Variants in AGBL4 observed in about 807,000 individuals in gnomAD.
AGBL4 encodes cytosolic carboxypeptidase 6.
In AGBL4, 58 loss-of-function variants were observed where a neutral mutation model predicts 66.4. That is an observed-to-expected ratio of 0.87 (90% CI 0.71 to 1.09). The LOEUF (loss-of-function observed/expected upper bound fraction) is 1.09. Ranked by LOEUF, AGBL4 falls within the 50% of genes least tolerant of loss-of-function variation. AGBL4 has a pLI of 0.00. For missense variants in AGBL4, 579 were observed against 631.0 expected (o/e 0.92, Z 0.88); for synonymous variants, 234 against 222.9 (o/e 1.05, Z -0.44).
intron 2 of AGBL4, among the ~76,000 whole-genome samples, chr1:49,836,528 T>A (rs1341338240): frequency 6.6e-6 from 1 of 152,214 alleles, no homozygotes; most frequent in African/African-American, 2.4e-5. Context: ...AACATGCTCC[T>A]TTAGCTCAGA....
chr1:49,023,598 TACTATATTAACTCTA>T (rs1434665992), intron 5 of AGBL4, among the ~76,000 whole-genome samples: 2 of 152,170 alleles, frequency 1.3e-5, no homozygotes, highest in Non-Finnish European at 1.5e-5. Context: ...GACAGCACTC[TACTATATTAACTCTA>T]ATTGCAACCT....
At chr1:49,782,978 G>C (rs1644371305) in intron 2 of AGBL4, among the ~76,000 whole-genome samples, 1 of 151,258 alleles carries the variant, frequency 6.6e-6, no homozygotes, top group African/African-American at 2.4e-5. Context: ...CTAAGACAGT[G>C]CCCTTATATA....
chr1:48,663,195 T>G lies in AGBL4; in HGVS notation c.681A>C (p.Gly227=). 1 of 1,613,934 alleles carries G rather than the reference T, an allele frequency of 6.2e-7. No individual in the cohort carries two copies. Among genetic ancestry groups the G allele is most frequent in the Non-Finnish European group, 8.5e-7 (1 of 1,179,870 alleles). ...GAEQKVVFIT[G]RVHPGETPSS... ...AGGGTGTTTCCCCTGGGTGGACTCG[T>G]CCTGTGATGAATACCACCTTCTGCT... The change falls in exon 7 of 14, where the codon GGA becomes GGC. Residue 227 remains glycine, a synonymous_variant. Coordinates refer to ENST00000371839, the MANE Select transcript of AGBL4 (RefSeq NM_032785.4).
chr1:49,945,142 G>A (rs1320707202), intron 1 of AGBL4, among the ~76,000 whole-genome samples: 1 of 151,998 alleles, frequency 6.6e-6, no homozygotes. Context: ...AAACATATTT[G>A]GGGGAATAAT....
At chr1:48,761,125 G>T in intron 6 of AGBL4, 1 of 537,122 alleles carries the variant, frequency 1.9e-6, no homozygotes, top group Non-Finnish European at 3.3e-6. Flanking sequence ...GACCAAGCTT[G>T]GTGGCACAGC....
intron 3 of AGBL4, among the ~76,000 whole-genome samples, chr1:49,680,347 C>A (rs1646667465): frequency 6.6e-6 from 1 of 150,992 alleles, no homozygotes. Context: ...TCGTGCCCAG[C>A]CAGATTCTTT....
intron 1 of AGBL4, among the ~76,000 whole-genome samples, chr1:49,972,200 C>G (rs1302832911): frequency 6.6e-6 from 1 of 151,712 alleles, no homozygotes. Flanking sequence ...TGAGCCACCA[C>G]GCCCGGCCCA....
intron 3 of AGBL4, among the ~76,000 whole-genome samples, chr1:49,528,557 T>C (rs1275786177): frequency 6.6e-6 from 1 of 152,062 alleles, no homozygotes; most frequent in African/African-American, 2.4e-5. Context: ...CTCAAATTAC[T>C]TATTAACCTA....
intron 6 of AGBL4, among the ~76,000 whole-genome samples, chr1:48,774,627 A>C (rs1435123921): frequency 6.6e-6 from 1 of 152,220 alleles, no homozygotes; most frequent in East Asian, 1.9e-4. Flanking sequence ...ATTTATCAAC[A>C]TTCTAACTTG....
At chr1:49,212,155 T>C (rs1051419460) in intron 4 of AGBL4, among the ~76,000 whole-genome samples, 2 of 152,092 alleles carry the variant, frequency 1.3e-5, no homozygotes, top group African/African-American at 2.4e-5. Flanking sequence ...CTATTCACAG[T>C]TGAGTCACAG....
intron 6 of AGBL4, among the ~76,000 whole-genome samples, chr1:48,836,769 G>T (rs1161932863): frequency 6.6e-6 from 1 of 151,976 alleles, no homozygotes; most frequent in Non-Finnish European, 1.5e-5. Context: ...CCAGTTCATA[G>T]AAATGAGTAG....
At position 48,566,031 on chromosome 1, in the gene AGBL4, C is replaced by G. The variant is rs115019161; in HGVS notation, c.1267+20973G>C. Among the ~76,000 whole-genome samples, 575 of 152,328 alleles carry G rather than the reference C, an allele frequency of 3.8e-3. 4 individuals are homozygous for G. Among genetic ancestry groups the G allele is most frequent in the African/African-American group, 0.013 (538 of 41,582 alleles). On this transcript the variant is annotated intron_variant, in intron 11 of 13. Transcript: ENST00000371839. ...GCTCCTTCTGCATATACCATCCACT[C>G]CTGTTAATACAATAATTTCCTCATG...
At chr1:49,891,202 A>G (rs1648609663) in intron 1 of AGBL4, among the ~76,000 whole-genome samples, 2 of 152,180 alleles carry the variant, frequency 1.3e-5, no homozygotes, top group African/African-American at 4.8e-5. Context: ...AAAGAACTAA[A>G]AGAAATTGAG....
chr1:49,862,502 A>C (rs1646598665), intron 1 of AGBL4, among the ~76,000 whole-genome samples: 1 of 152,164 alleles, frequency 6.6e-6, no homozygotes, highest in Non-Finnish European at 1.5e-5. Flanking sequence ...AGAACTTCCC[A>C]AACCTGGAGA....
chr1:48,621,829 T>G (rs1327547265), intron 9 of AGBL4, among the ~76,000 whole-genome samples: 1 of 152,224 alleles, frequency 6.6e-6, no homozygotes, highest in African/African-American at 2.4e-5. Flanking sequence ...CCATTTTTTT[T>G]TTTGCATAAA....
rs563129422 is a variant in AGBL4, at chr1:48,676,497, G to A, written c.635-13256C>T. Among the ~76,000 whole-genome samples the A allele has an allele frequency of 5.3e-5, 8 of 152,340 alleles. No homozygotes were observed. The East Asian group carries it at 7.7e-4, about 15-fold the overall frequency. ...TCATAGCAGACTGTCTCACAGGAAC[G>A]CCCTCAGGAGGAAATGAGGTTGTAT... On this transcript the variant is annotated intron_variant, in intron 6 of 13. Coordinates refer to ENST00000371839, the MANE Select transcript of AGBL4 (RefSeq NM_032785.4).
chr1:49,146,043 G>T (rs1646211502), intron 4 of AGBL4, among the ~76,000 whole-genome samples: 2 of 152,130 alleles, frequency 1.3e-5, no homozygotes, highest in Admixed American at 6.6e-5. Context: ...TTATTTGTGG[G>T]ATCTAAAAAT....
chr1:49,819,593 A>G (rs1210876059), intron 2 of AGBL4, among the ~76,000 whole-genome samples: 2 of 152,156 alleles, frequency 1.3e-5, no homozygotes, highest in African/African-American at 4.8e-5. Flanking sequence ...ATGCCACACT[A>G]ACAATGGACT....
At chr1:49,739,738 G>A (rs887625365) in intron 2 of AGBL4, among the ~76,000 whole-genome samples, 3 of 152,116 alleles carry the variant, frequency 2.0e-5, no homozygotes, top group Non-Finnish European at 4.4e-5. Context: ...AGAGAGTGGG[G>A]GCCAATATTC....
Sources: gnomAD v4.1 joint callset for allele counts (sites outside exome capture counted in the v4.1 genomes callset) on GRCh38, gnomAD v4.1.1 for gene constraint, MANE v1.5 for transcripts, NCBI Gene and HGNC (gene_info 2026-07-23, HGNC 2026-07-21) for gene names.